SPACA7: variants seen among roughly 807,000 people sequenced by gnomAD.
The protein encoded by SPACA7 is sperm acrosome-associated protein 7.
Under a neutral mutation model 26.3 loss-of-function variants are expected in SPACA7, and 19 were observed. That is an observed-to-expected ratio of 0.72 (90% CI 0.50 to 1.06). The LOEUF (loss-of-function observed/expected upper bound fraction) is 1.06, where lower values mean the gene tolerates loss of function less well. Among genes scored for constraint, SPACA7 ranks in the 50% least tolerant of loss-of-function variants. The pLI is 0.00. For missense variants in SPACA7, 211 were observed against 229.9 expected, an observed-to-expected ratio of 0.92 and a Z score of 0.53; for synonymous variants, 84 against 84.5, an observed-to-expected ratio of 0.99 and a Z score of 0.04.
chr13:112,378,777 T>C (rs1362491232), intron 1 of SPACA7: 2 of 471,094 alleles, frequency 4.2e-6, no homozygotes, highest in Non-Finnish European at 8.8e-6. Flanking sequence ...TTTTAAAAAC[T>C]GTCTGGTCAC....
chr13:112,420,764 A>G (rs376510588), intron 5 of SPACA7, among the ~76,000 whole-genome samples: 1 of 152,146 alleles, frequency 6.6e-6, no homozygotes, highest in East Asian at 1.9e-4. Context: ...ACACACACAC[A>G]CTGTAGGCAT....
chr13:112,414,536 A>G (rs1176410213), intron 5 of SPACA7, among the ~76,000 whole-genome samples: 1 of 150,340 alleles, frequency 6.7e-6, no homozygotes, highest in Non-Finnish European at 1.5e-5. Context: ...TCAGCCTCCC[A>G]AGTATCTGGG....
chr13:112,413,467 C>G (rs948402133), intron 5 of SPACA7, among the ~76,000 whole-genome samples: 10 of 151,490 alleles, frequency 6.6e-5, no homozygotes, highest in South Asian at 2.1e-4. Context: ...ATCAGAGCTT[C>G]TTTAGATATT....
intron 2 of SPACA7, among the ~76,000 whole-genome samples, chr13:112,394,044 G>A (rs1266202385): frequency 6.6e-6 from 1 of 151,534 alleles, no homozygotes; most frequent in East Asian, 1.9e-4. Context: ...TTCACGTGAT[G>A]ATTTCAACAT....
intron 2 of SPACA7, among the ~76,000 whole-genome samples, chr13:112,395,741 A>AT (rs1216794021): frequency 6.6e-5 from 10 of 152,162 alleles, no homozygotes; most frequent in Admixed American, 6.5e-4. Flanking sequence ...GTGCGCTGGG[A>AT]TTACAGGAGT....
chr13:112,388,630 G>A (rs1222357171), intron 1 of SPACA7, among the ~76,000 whole-genome samples: 2 of 152,202 alleles, frequency 1.3e-5, no homozygotes, highest in Non-Finnish European at 2.9e-5. Context: ...CCCCAAATTT[G>A]TAACCACCCA....
rs761246038 is a variant in SPACA7, at chr13:112,434,580, A to G, written c.*31A>G. The G allele has an allele frequency of 5.1e-6, 8 of 1,569,908 alleles. No individual in the cohort carries two copies. In the South Asian group the frequency reaches 7.0e-5, roughly 14 times the overall value. On this transcript the variant is annotated 3_prime_UTR_variant, in exon 7 of 7. Coordinates refer to ENST00000283550, the MANE Select transcript of SPACA7 (RefSeq NM_145248.5). ...CAGCCCCAGACCCCCTGCGCAGGAG[A>G]GGAGCCTGCTAGAACCCCCACCCAC...
At chr13:112,386,023 T>C (rs1884502191) in intron 1 of SPACA7, among the ~76,000 whole-genome samples, 1 of 152,164 alleles carries the variant, frequency 6.6e-6, no homozygotes, top group Admixed American at 6.5e-5. Flanking sequence ...CAAAGACAGA[T>C]CCCTAAAATT....
At chr13:112,429,219 A>T (rs1219220975) in intron 5 of SPACA7, among the ~76,000 whole-genome samples, 1 of 152,140 alleles carries the variant, frequency 6.6e-6, no homozygotes, top group East Asian at 1.9e-4. Context: ...TCTACAAAAA[A>T]TAAAATATTG....
intron 5 of SPACA7, among the ~76,000 whole-genome samples, chr13:112,420,799 A>G (rs1417560202): frequency 2.0e-5 from 3 of 152,174 alleles, no homozygotes; most frequent in African/African-American, 4.8e-5. Context: ...GAAATTTTAA[A>G]AAGAGGGTAT....
At chr13:112,395,433 C>G (rs1004616893) in intron 2 of SPACA7, among the ~76,000 whole-genome samples, 2 of 152,084 alleles carry the variant, frequency 1.3e-5, no homozygotes, top group Non-Finnish European at 2.9e-5. Flanking sequence ...GCCAGCCCCC[C>G]GGACTGGCTG....
At chr13:112,403,792 T>C (rs1212102274) in intron 5 of SPACA7, among the ~76,000 whole-genome samples, 3 of 152,250 alleles carry the variant, frequency 2.0e-5, no homozygotes, top group Non-Finnish European at 2.9e-5. Flanking sequence ...CCATAGCATA[T>C]ATATACCACA....
chr13:112,411,909 G>A (rs528122275), intron 5 of SPACA7, among the ~76,000 whole-genome samples: 1 of 152,168 alleles, frequency 6.6e-6, no homozygotes, highest in East Asian at 1.9e-4. Flanking sequence ...GGCCATGGGA[G>A]TGTAGAGATT....
intron 5 of SPACA7, among the ~76,000 whole-genome samples, chr13:112,430,394 C>T (rs1323765300): frequency 6.6e-6 from 1 of 152,198 alleles, no homozygotes; most frequent in Non-Finnish European, 1.5e-5. Flanking sequence ...CTGCTCTTTG[C>T]TGATTATTCT....
At chr13:112,426,928 G>T (rs1247064908) in intron 5 of SPACA7, among the ~76,000 whole-genome samples, 1 of 152,118 alleles carries the variant, frequency 6.6e-6, no homozygotes. Context: ...GTTGAATGTT[G>T]AATAGGAGTC....
chr13:112,398,777 G>T (rs1183060925), intron 3 of SPACA7, among the ~76,000 whole-genome samples: 13 of 152,178 alleles, frequency 8.5e-5, no homozygotes, highest in Admixed American at 8.5e-4. Context: ...AGTGTATTCG[G>T]CAGCAGGAAA....
intron 5 of SPACA7, among the ~76,000 whole-genome samples, chr13:112,429,375 CAAA>C (rs78540007): frequency 4.3e-5 from 5 of 116,420 alleles, no homozygotes; most frequent in Admixed American, 8.7e-5. Flanking sequence ...GACCCCATCT[CAAA>C]AAAAAAAAAA....
intron 5 of SPACA7, among the ~76,000 whole-genome samples, chr13:112,414,954 G>C (rs529186128): frequency 7.0e-4 from 107 of 152,244 alleles, no homozygotes; most frequent in Non-Finnish European, 4.4e-4. Flanking sequence ...TCCTTCAGAG[G>C]ACCTTTCATT....
chr13:112,424,710 A>C (rs1420246185), intron 5 of SPACA7, among the ~76,000 whole-genome samples: 3 of 152,140 alleles, frequency 2.0e-5, no homozygotes, highest in Non-Finnish European at 4.4e-5. Context: ...CCAAAAGCCA[A>C]ATGGAAGTGT....
Sources: allele counts gnomAD v4.1 joint callset (sites outside exome capture counted in the v4.1 genomes callset), GRCh38; gene constraint gnomAD v4.1.1; transcripts MANE v1.5; gene names NCBI Gene and HGNC (gene_info 2026-07-23, HGNC 2026-07-21).